Variants in LDLRAD1 observed in about 807,000 individuals in gnomAD.
LDLRAD1 encodes low-density lipoprotein receptor class A domain-containing protein 1.
In LDLRAD1, 17 loss-of-function variants were observed where a neutral mutation model predicts 24.8. That is an observed-to-expected ratio of 0.69 (90% CI 0.47 to 1.03). LDLRAD1 has a LOEUF of 1.03. LDLRAD1 is among the 50% of genes least tolerant of loss of function. The pLI is 0.00. For synonymous variants in LDLRAD1, 103 were observed against 108.2 expected (o/e 0.95, Z 0.30); for missense variants, 277 against 271.0 (o/e 1.02, Z -0.16).
Position 54,018,097 on chromosome 1 carries a change from G to A in LDLRAD1, c.16C>T (p.Pro6Ser), listed in dbSNP as rs138056957. 4 of 1,613,260 alleles carry A rather than the reference G, an allele frequency of 2.5e-6. No homozygotes were observed. The East Asian group carries it at 8.9e-5, about 36-fold the overall frequency. MNKVFPQGENGYTAAE... is the reference protein window; with the variant it reads MNKVFSQGENGYTAAE... Reference sequence around the variant, plus strand: ...CACCTGGGGACAGCTCTCACCTGGGGGAAGACCTTGTTCATGTCTTCGGTT... The same window carrying A: ...CACCTGGGGACAGCTCTCACCTGGGAGAAGACCTTGTTCATGTCTTCGGTT... The change falls in exon 1 of 6, where the codon CCC becomes TCC. Residue 6 changes from proline (P) to serine (S), a missense_variant. Transcript: ENST00000371360.
Position 54,018,160 on chromosome 1 carries a change from G to T in LDLRAD1, c.-48C>A, listed in dbSNP as rs181381692. On this transcript the variant is annotated 5_prime_UTR_variant, in exon 1 of 6. In the 5' UTR this introduces an upstream ATG that the reference lacks. Transcript: ENST00000371360. The stretch of plus-strand genomic sequence containing the variant: ...ACTGGGGCTGTGTGCAGAGAGCTCA[G>T]CACGGGTTCCCTGCATTGTCACCAA... 1.1e-3 allele frequency: 1,714 copies of T among 1,610,634 alleles called. 8 individuals carry two copies. In the Middle Eastern group the frequency reaches 0.019, roughly 18 times the overall value.
At chr1:54,018,043 G>T in intron 1 of LDLRAD1, 49 bp downstream of exon 1, 1 of 1,495,780 alleles carries the variant, frequency 6.7e-7, no homozygotes, top group South Asian at 1.1e-5. Flanking sequence ...GCTCTCACTT[G>T]GGGACAGCTC....
rs1655997299 is a variant in LDLRAD1, at chr1:54,010,366, CA to C, written c.384del (p.Cys128TrpfsTer27). 6.2e-7 allele frequency: 1 copy of C among 1,613,880 alleles called. No homozygotes were observed. The highest frequency in any genetic ancestry group is 1.1e-5 in the South Asian group (1 of 91,076). On this transcript the variant is annotated frameshift_variant, in exon 5 of 6. Coordinates refer to ENST00000371360, the MANE Select transcript of LDLRAD1 (RefSeq NM_001010978.4). LOFTEE classifies it high-confidence loss of function. Reference sequence around the variant, plus strand: ...GAGTAGATCCAGGAGGCCGGGTCTCCACAGTGGGCCACAAGGAAGTGGGGGA... The same window carrying C: ...GAGTAGATCCAGGAGGCCGGGTCTCCCAGTGGGCCACAAGGAAGTGGGGGA... ...QSLPHFLVAH[C>X]GDPASWIYSD...
chr1:54,009,049 T>G lies in LDLRAD1; in HGVS notation c.551A>C (p.His184Pro), dbSNP rs948802574. Residue 184 changes from histidine (H) to proline (P), a missense_variant, in exon 6 of 6, where the codon CAT (histidine) becomes CCT (proline). Transcript: ENST00000371360. The part of the protein sequence containing the change: ...FFKYCDCIPR[H>P]LCRDHVQHCS... ...GTGCTGTACATGGTCGCGGCAGAGATGCCTCGGTATACAGTCGCAGTACTT... is the reference window on the plus strand; with the variant it reads ...GTGCTGTACATGGTCGCGGCAGAGAGGCCTCGGTATACAGTCGCAGTACTT... 5.0e-6 allele frequency: 8 copies of G among 1,614,014 alleles called. No individual in the cohort carries two copies. Among genetic ancestry groups the G allele is most frequent in the Admixed American group, 1.7e-5 (1 of 60,004 alleles).
intron 1 of LDLRAD1, 124 bp from the exon 2 acceptor site, chr1:54,017,551 C>T (rs1222606618): frequency 5.2e-6 from 4 of 766,418 alleles, no homozygotes; most frequent in African/African-American, 5.2e-5. Flanking sequence ...GGGTCCGTCA[C>T]ACCCCAGCAT....
At chr1:54,016,165 A>C (rs1224981472) in intron 2 of LDLRAD1, among the ~76,000 whole-genome samples, 3 of 152,206 alleles carry the variant, frequency 2.0e-5, no homozygotes, top group African/African-American at 4.8e-5. Flanking sequence ...GTAAAGGCCC[A>C]GTGGTTGCAG....
Position 54,010,469 on chromosome 1 carries a change from T to A in LDLRAD1, c.341-59A>T, listed in dbSNP as rs113981960. On this transcript the variant is annotated intron_variant, in intron 4 of 5. Coordinates refer to ENST00000371360, the MANE Select transcript of LDLRAD1 (RefSeq NM_001010978.4). ...ACATCTGGCCACAGCTGTCTGAGGG[T>A]TATCGGGAGGAGGATTGACCACCCT... 8 of 1,592,684 alleles carry A rather than the reference T, an allele frequency of 5.0e-6. No homozygotes were observed. In the African/African-American group the frequency reaches 6.7e-5, roughly 13 times the overall value.
At position 54,008,814 on chromosome 1, in the gene LDLRAD1, C is replaced by T. The variant is rs114049987; in HGVS notation, c.*168G>A. 515 of 638,902 alleles carry T rather than the reference C, an allele frequency of 8.1e-4. No homozygotes were observed. The African/African-American group carries it at 8.8e-3, about 11-fold the overall frequency. 39.6% of individuals were successfully genotyped at this position (638,902 alleles called of 1,614,324 possible). On this transcript the variant is annotated 3_prime_UTR_variant, in exon 6 of 6. Coordinates refer to ENST00000371360, the MANE Select transcript of LDLRAD1 (RefSeq NM_001010978.4). Reference sequence around the variant, plus strand: ...CTCCTGGTCATTGGAAGCATTCAAGCAGAGGCTGAACAACTTGAAAGGAGG... The same window carrying T: ...CTCCTGGTCATTGGAAGCATTCAAGTAGAGGCTGAACAACTTGAAAGGAGG...
chr1:54,008,881 C>CTAA lies in LDLRAD1; in HGVS notation c.*100_*101insTTA. 1 of 993,780 alleles carries CTAA rather than the reference C, an allele frequency of 1.0e-6. No homozygotes were observed. Among genetic ancestry groups the CTAA allele is most frequent in the Non-Finnish European group, 1.4e-6 (1 of 723,162 alleles). The allele number at this position is 993,780 out of a possible 1,614,324, so 61.6% of individuals were successfully genotyped here. On this transcript the variant is annotated 3_prime_UTR_variant, in exon 6 of 6. Coordinates refer to ENST00000371360, the MANE Select transcript of LDLRAD1 (RefSeq NM_001010978.4). ...CAGAAATGATGTGTAGATCCCATTT[C>CTAA]AAAGGCTGCTTCCTGCCCTTGTGCG...
chr1:54,016,790 A>G (rs140356451), intron 2 of LDLRAD1, among the ~76,000 whole-genome samples: 60 of 152,338 alleles, frequency 3.9e-4, no homozygotes, highest in African/African-American at 1.3e-3. Flanking sequence ...TGAGGATTAA[A>G]GAGATCATGC....
Position 54,008,940 on chromosome 1 carries a change from T to A in LDLRAD1, c.*42A>T. The A allele has an allele frequency of 6.3e-7, 1 of 1,583,670 alleles. No homozygotes were observed. Among genetic ancestry groups the A allele is most frequent in the Non-Finnish European group, 8.6e-7 (1 of 1,160,888 alleles). ...TGATTTTCATGTGAAGGGTTATCAGTGCCATTCCAGCCAGCCTTCCATGCT... is the reference window on the plus strand; with the variant it reads ...TGATTTTCATGTGAAGGGTTATCAGAGCCATTCCAGCCAGCCTTCCATGCT... On this transcript the variant is annotated 3_prime_UTR_variant, in exon 6 of 6. Transcript: ENST00000371360.
chr1:54,009,545 C>T (rs1239352662), intron 5 of LDLRAD1, among the ~76,000 whole-genome samples: 1 of 152,178 alleles, frequency 6.6e-6, no homozygotes, highest in Non-Finnish European at 1.5e-5. Context: ...CCAGCCTCTA[C>T]CTACTGAAAC....
At chr1:54,012,115 G>A (rs867074570) in intron 4 of LDLRAD1, 28 bp downstream of exon 4, 1 of 1,611,280 alleles carries the variant, frequency 6.2e-7, no homozygotes, top group African/African-American at 1.3e-5. Flanking sequence ...GGAACCCCTG[G>A]GAGGGGCAGC....
intron 5 of LDLRAD1, 128 bp from the exon 6 acceptor site, chr1:54,009,258 T>C: frequency 4.9e-6 from 4 of 821,528 alleles, no homozygotes; most frequent in Non-Finnish European, 7.9e-6. Flanking sequence ...GTGAGTTGAG[T>C]GTGTTCCTAG....
chr1:54,008,733 A>G lies in LDLRAD1; in HGVS notation c.*249T>C. ...CCTGGCTAATTTTTGTATTTTTGGT[A>G]GAGACGGGGTTCCACCACATCATCT... On this transcript the variant is annotated 3_prime_UTR_variant, in exon 6 of 6. Coordinates refer to ENST00000371360, the MANE Select transcript of LDLRAD1 (RefSeq NM_001010978.4). The G allele has an allele frequency of 2.4e-6, 1 of 408,810 alleles. No homozygotes were observed. The highest frequency in any genetic ancestry group is 3.2e-5 in the South Asian group (1 of 30,954). 25.3% of individuals were successfully genotyped at this position (408,810 alleles called of 1,614,324 possible).
chr1:54,018,131 C>G lies in LDLRAD1; in HGVS notation c.-19G>C. On this transcript the variant is annotated 5_prime_UTR_variant, in exon 1 of 6. Coordinates refer to ENST00000371360, the MANE Select transcript of LDLRAD1 (RefSeq NM_001010978.4). ...TGTTCATGTCTTCGGTTTCCTGCTG[C>G]CCGACTGGGGCTGTGTGCAGAGAGC... 6.2e-7 allele frequency: 1 copy of G among 1,613,428 alleles called. No individual in the cohort carries two copies. The highest frequency in any genetic ancestry group is 8.5e-7 in the Non-Finnish European group (1 of 1,179,700).
intron 5 of LDLRAD1, among the ~76,000 whole-genome samples, chr1:54,010,013 C>T (rs1655979642): frequency 6.6e-6 from 1 of 152,174 alleles, no homozygotes; most frequent in Admixed American, 6.5e-5. Flanking sequence ...TGTATGTACT[C>T]CTTGCATGAC....
intron 4 of LDLRAD1, 64 bp from the exon 5 acceptor site, chr1:54,010,474 G>GGGA (rs1349472838): frequency 6.3e-7 from 1 of 1,579,776 alleles, no homozygotes; most frequent in Admixed American, 1.7e-5. Flanking sequence ...GAGGGTTATC[G>GGGA]GGAGGAGGAT....
chr1:54,010,584 A>C (rs959721210), intron 4 of LDLRAD1, among the ~76,000 whole-genome samples, 174 bp from the exon 5 acceptor site: 17 of 151,862 alleles, frequency 1.1e-4, no homozygotes, highest in Admixed American at 2.0e-4. Context: ...TCAGAGGGAG[A>C]GGAGAGCTCC....
Sources: allele counts gnomAD v4.1 joint callset (sites outside exome capture counted in the v4.1 genomes callset), GRCh38; gene constraint gnomAD v4.1.1; transcripts MANE v1.5; gene names NCBI Gene and HGNC (gene_info 2026-07-23, HGNC 2026-07-21).